CADPS: variants seen among roughly 807,000 people sequenced by gnomAD.
CADPS encodes calcium dependent secretion activator, also known as calcium-dependent secretion activator 1.
A neutral mutation model predicts 167.3 loss-of-function variants in CADPS; 57 were observed. The observed-to-expected ratio is 0.34, with a 90% CI of 0.28 to 0.42. The LOEUF is 0.42. CADPS is among the 20% of genes least tolerant of loss of function. The probability of loss-of-function intolerance (pLI) is 1.00; values close to 1 mark genes in which losing one functional copy is unlikely to be tolerated. For missense variants in CADPS, 1,414 were observed against 1,738.1 expected, an observed-to-expected ratio of 0.81 and a Z score of 3.32; for synonymous variants, 676 against 635.3, an observed-to-expected ratio of 1.06 and a Z score of -0.96.
At position 62,601,563 on chromosome 3, in the gene CADPS, G is replaced by C. The variant is rs1206405831; in HGVS notation, c.1326-8815C>G. Among the ~76,000 whole-genome samples, 1 of 152,164 alleles carries C rather than the reference G, an allele frequency of 6.6e-6. No individual in the cohort carries two copies. The highest frequency in any genetic ancestry group is 1.5e-5 in the Non-Finnish European group (1 of 68,024). On this transcript the variant is annotated intron_variant, in intron 6 of 29. Transcript: ENST00000383710. The surrounding 1 kb of genome is among the most constrained non-coding windows in gnomAD (Gnocchi z 4.3). ...AGCTGACCCCATGGGGATCCAATTT[G>C]CTGCTCTAAATTCTTCATGGAGCTC...
intron 9 of CADPS, among the ~76,000 whole-genome samples, chr3:62,569,091 G>T (rs1346070716): frequency 2.0e-5 from 3 of 152,202 alleles, no homozygotes; most frequent in Middle Eastern, 3.4e-3. Flanking sequence ...CTTAGCCATG[G>T]GTTATTTTAA....
intron 10 of CADPS, 84 bp downstream of exon 10, chr3:62,557,321 T>A: frequency 1.1e-6 from 1 of 900,246 alleles, no homozygotes; most frequent in Non-Finnish European, 1.9e-6. Context: ...TAGCATGGAG[T>A]AAGTGCCCAG....
chr3:62,472,173 A>G (rs1349302833), intron 24 of CADPS, among the ~76,000 whole-genome samples: 1 of 152,208 alleles, frequency 6.6e-6, no homozygotes, highest in Non-Finnish European at 1.5e-5. Context: ...GATAGAAAGT[A>G]TTTTGGTGAT....
At chr3:62,558,446 C>T (rs2078573723) in intron 9 of CADPS, among the ~76,000 whole-genome samples, 1 of 152,246 alleles carries the variant, frequency 6.6e-6, no homozygotes, top group Non-Finnish European at 1.5e-5. Flanking sequence ...GGGCTAAATG[C>T]TCTCAGGCAT....
chr3:62,570,803 T>TA, intron 9 of CADPS, 69 bp downstream of exon 9: 4 of 1,066,008 alleles, frequency 3.8e-6, no homozygotes, highest in Non-Finnish European at 4.4e-6. Flanking sequence ...ATACCTCAGT[T>TA]AAAAAGCATT....
chr3:62,518,899 T>C (rs1209156855), intron 13 of CADPS, among the ~76,000 whole-genome samples: 1 of 152,228 alleles, frequency 6.6e-6, no homozygotes, highest in Non-Finnish European at 1.5e-5. Flanking sequence ...ATGTATTCGT[T>C]GAAGAACAAA....
intron 6 of CADPS, among the ~76,000 whole-genome samples, chr3:62,619,468 A>C (rs1006567156): frequency 1.3e-5 from 2 of 152,196 alleles, no homozygotes; most frequent in African/African-American, 2.4e-5. Flanking sequence ...TTATCAATAC[A>C]TTGATATGAC....
chr3:62,436,397 G>C (rs1280984061), intron 28 of CADPS, among the ~76,000 whole-genome samples: 2 of 152,122 alleles, frequency 1.3e-5, no homozygotes, highest in African/African-American at 2.4e-5. Flanking sequence ...AGGCAACCTA[G>C]GCATTGAAAA....
intron 1 of CADPS, among the ~76,000 whole-genome samples, chr3:62,842,581 G>A (rs1197549440): frequency 6.6e-6 from 1 of 152,168 alleles, no homozygotes; most frequent in Non-Finnish European, 1.5e-5. Context: ...TCAGTGATGT[G>A]CCTTGCACTA....
In CADPS at chr3:62,585,174, G is replaced by A; in HGVS notation, c.1577+11C>T. 1 of 1,612,312 alleles carries A rather than the reference G, an allele frequency of 6.2e-7. No homozygotes were observed. The highest frequency in any genetic ancestry group is 2.2e-5 in the East Asian group (1 of 44,808). On this transcript the variant is annotated intron_variant, in intron 8 of 29. Coordinates refer to ENST00000383710, the MANE Select transcript of CADPS (RefSeq NM_003716.4). Reference sequence around the variant, plus strand: ...GTGTCCAAAACTGCTAGTTGGGGAAGAAACACTTACCCAGAATGCTTCATG... The same window carrying A: ...GTGTCCAAAACTGCTAGTTGGGGAAAAAACACTTACCCAGAATGCTTCATG...
chr3:62,863,058 T>C (rs2081093982), intron 1 of CADPS, among the ~76,000 whole-genome samples: 1 of 152,240 alleles, frequency 6.6e-6, no homozygotes, highest in Non-Finnish European at 1.5e-5. Context: ...CCAACAATCA[T>C]GAACTCATGT....
chr3:62,759,264 TC>T (rs796093365), intron 2 of CADPS, among the ~76,000 whole-genome samples: 4 of 152,148 alleles, frequency 2.6e-5, no homozygotes, highest in Non-Finnish European at 2.9e-5. Flanking sequence ...ATTTTGGTGA[TC>T]CCTGAATCCT....
At chr3:62,576,567 G>C (rs755400473) in intron 8 of CADPS, among the ~76,000 whole-genome samples, 2 of 151,110 alleles carry the variant, frequency 1.3e-5, no homozygotes, top group Non-Finnish European at 2.9e-5. Context: ...GAGGTGCACA[G>C]ATCAGTTGAG....
chr3:62,656,259 T>C (rs2071549091), intron 4 of CADPS, among the ~76,000 whole-genome samples: 2 of 152,146 alleles, frequency 1.3e-5, no homozygotes, highest in South Asian at 4.2e-4. Flanking sequence ...ATGGTGCCTA[T>C]AGTAAAGATA....
Position 62,438,297 on chromosome 3 carries a change from C to A in CADPS, c.3670-86G>T. ...CATTCACTTGTACCCTCTACTTGCCCTCACACACCCTGAGATGCTTCTGCT... is the reference window on the plus strand; with the variant it reads ...CATTCACTTGTACCCTCTACTTGCCATCACACACCCTGAGATGCTTCTGCT... On this transcript the variant is annotated intron_variant, in intron 27 of 29. Coordinates refer to ENST00000383710, the MANE Select transcript of CADPS (RefSeq NM_003716.4). The surrounding 1 kb of genome is among the most constrained non-coding windows in gnomAD (Gnocchi z 4.7). 1 of 909,314 alleles carries A rather than the reference C, an allele frequency of 1.1e-6. No homozygotes were observed. The highest frequency in any genetic ancestry group is 1.5e-5 in the South Asian group (1 of 67,686). 56.3% of individuals were successfully genotyped at this position (909,314 alleles called of 1,614,324 possible).
intron 1 of CADPS, among the ~76,000 whole-genome samples, chr3:62,831,554 C>T (rs985523941): frequency 2.0e-5 from 3 of 152,102 alleles, no homozygotes; most frequent in African/African-American, 7.2e-5. Context: ...TCTTTTTAAC[C>T]TTCAGGATCT....
intron 1 of CADPS, among the ~76,000 whole-genome samples, chr3:62,855,430 A>G (rs999947940): frequency 1.3e-5 from 2 of 152,104 alleles, no homozygotes; most frequent in African/African-American, 4.8e-5. Context: ...CTATGTTATC[A>G]TGCCATGATT....
intron 10 of CADPS, among the ~76,000 whole-genome samples, chr3:62,555,519 T>C (rs1438594578): frequency 1.3e-5 from 2 of 152,194 alleles, no homozygotes; most frequent in Non-Finnish European, 2.9e-5. Context: ...TCTTAAACAA[T>C]AGCCTTTGAT....
intron 3 of CADPS, among the ~76,000 whole-genome samples, chr3:62,699,994 T>C (rs1041621564): frequency 1.3e-5 from 2 of 152,156 alleles, no homozygotes; most frequent in Non-Finnish European, 2.9e-5. Context: ...AAATATTCAC[T>C]AATTGCTCCT....
Sources: allele counts gnomAD v4.1 joint callset (sites outside exome capture counted in the v4.1 genomes callset), GRCh38; gene constraint gnomAD v4.1.1; non-coding constraint Gnocchi (gnomAD v3.1); transcripts MANE v1.5; gene names NCBI Gene and HGNC (gene_info 2026-07-23, HGNC 2026-07-21).